The following AGAP1 variants were observed in gnomAD, a reference collection of about 807,000 sequenced individuals.
AGAP1 encodes the protein ArfGAP with GTPase domain, ankyrin repeat and PH domain 1, also known as arf-GAP with GTPase, ANK repeat and PH domain-containing protein 1.
In AGAP1, 29 loss-of-function variants were observed where a neutral mutation model predicts 105.3. That is an observed-to-expected ratio of 0.28 (90% confidence interval 0.21 to 0.38). The LOEUF is 0.38. Among genes scored for constraint, AGAP1 ranks in the 10% least tolerant of loss-of-function variants. AGAP1 has a pLI of 1.00. For missense variants in AGAP1, 998 were observed against 1,165.1 expected (o/e 0.86, Z 2.09); for synonymous variants, 509 against 485.9 (o/e 1.05, Z -0.63).
intron 6 of AGAP1, among the ~76,000 whole-genome samples, chr2:235,794,687 G>T (rs1957161159): frequency 6.6e-6 from 1 of 152,216 alleles, no homozygotes; most frequent in South Asian, 2.1e-4. Context: ...GGCCAGGCTG[G>T]ACTCGAACTC....
At position 236,014,993 on chromosome 2, in the gene AGAP1, G is replaced by T. The variant is rs1262116677; in HGVS notation, c.1646-21568G>T. On this transcript the variant is annotated intron_variant, in intron 13 of 17. Coordinates refer to ENST00000304032, the MANE Select transcript of AGAP1 (RefSeq NM_001037131.3). This position sits in a 1 kb window ranked among gnomAD's most constrained non-coding sequence, Gnocchi z 6.3. ...ATGGAAATGCAATTTGCCCAAAGCC[G>T]CATGCTCCCTTATTGTGTTTGCAGA... is the stretch of plus-strand genomic sequence containing the variant. 2.0e-5 allele frequency: 6 copies of T among 302,030 alleles called. No homozygotes were observed. The highest frequency in any genetic ancestry group is 4.1e-5 in the Non-Finnish European group (6 of 145,936). The allele number at this position is 302,030 out of a possible 1,614,324, so 18.7% of individuals were successfully genotyped here.
chr2:235,508,526 G>A (rs1002111890), intron 1 of AGAP1, among the ~76,000 whole-genome samples: 13 of 152,200 alleles, frequency 8.5e-5, no homozygotes, highest in African/African-American at 1.4e-4. Flanking sequence ...TTATTCCCTC[G>A]CTGAGAGTTG....
Position 235,787,960 on chromosome 2 carries a change from G to A in AGAP1, c.674-9799G>A, listed in dbSNP as rs1052662631. On this transcript the variant is annotated intron_variant, in intron 6 of 17. Coordinates refer to ENST00000304032, the MANE Select transcript of AGAP1 (RefSeq NM_001037131.3). The surrounding 1 kb of genome is among the most constrained non-coding windows in gnomAD (Gnocchi z 4.4). ...GCAAGCAAGGCCAAGAGCATTGTAA[G>A]ACCAAGAGCATGACCATGAACATTC... Among the ~76,000 whole-genome samples, 3 of 152,158 alleles carry A rather than the reference G, an allele frequency of 2.0e-5. No individual in the cohort carries two copies. The highest frequency in any genetic ancestry group is 7.2e-5 in the African/African-American group (3 of 41,432).
chr2:235,710,521 G>C (rs1388790504), intron 2 of AGAP1, among the ~76,000 whole-genome samples: 1 of 152,156 alleles, frequency 6.6e-6, no homozygotes, highest in African/African-American at 2.4e-5. Flanking sequence ...CCTCCCTGAA[G>C]GTCTCTGGGC....
At chr2:235,703,878 C>A (rs1430573707) in intron 1 of AGAP1, among the ~76,000 whole-genome samples, 1 of 152,132 alleles carries the variant, frequency 6.6e-6, no homozygotes, top group African/African-American at 2.4e-5. Flanking sequence ...CTCAGGTGAT[C>A]TGCCTGCAGG....
chr2:236,059,046 G>T (rs1393839818), intron 16 of AGAP1, among the ~76,000 whole-genome samples: 1 of 151,926 alleles, frequency 6.6e-6, no homozygotes, highest in Non-Finnish European at 1.5e-5. Flanking sequence ...AATCAAAAAG[G>T]CCAGGTGCAG....
chr2:235,645,588 G>T (rs1270927753), intron 1 of AGAP1, among the ~76,000 whole-genome samples: 1 of 152,084 alleles, frequency 6.6e-6, no homozygotes, highest in Non-Finnish European at 1.5e-5. Context: ...TCAGAGAATG[G>T]GTCATTGCAG....
At chr2:235,828,484 A>T (rs1172299168) in intron 9 of AGAP1, among the ~76,000 whole-genome samples, 1 of 152,120 alleles carries the variant, frequency 6.6e-6, no homozygotes. Context: ...GTAAACTAAC[A>T]CTTATGCATT....
intron 16 of AGAP1, among the ~76,000 whole-genome samples, chr2:236,064,781 C>A (rs1014250026): frequency 3.3e-5 from 5 of 152,130 alleles, no homozygotes; most frequent in African/African-American, 2.4e-5. Flanking sequence ...TCGGAGAATT[C>A]TTTGGGGGTG....
Position 236,095,082 on chromosome 2 carries a change from G to A in AGAP1, c.2115-25110G>A, listed in dbSNP as rs1193045357. Among the ~76,000 whole-genome samples, 1 of 151,868 alleles carries A rather than the reference G, an allele frequency of 6.6e-6. No homozygotes were observed. Among genetic ancestry groups the A allele is most frequent in the Non-Finnish European group, 1.5e-5 (1 of 67,976 alleles). On this transcript the variant is annotated intron_variant, in intron 16 of 17. Coordinates refer to ENST00000304032, the MANE Select transcript of AGAP1 (RefSeq NM_001037131.3). The surrounding 1 kb of genome is among the most constrained non-coding windows in gnomAD (Gnocchi z 4.1). The stretch of plus-strand genomic sequence containing the variant: ...CCATTGTACTTTAGCCTTGGTGAGA[G>A]TGAGACACTGTCTCAAAAAAGTTGT...
chr2:236,106,119 C>T (rs894918146), intron 16 of AGAP1, among the ~76,000 whole-genome samples: 2 of 152,234 alleles, frequency 1.3e-5, no homozygotes, highest in African/African-American at 4.8e-5. Context: ...CCTTGGCTGG[C>T]TGGCTGGCAG....
rs2125576002 is a variant in AGAP1, at chr2:236,014,718, T to TG, written c.1646-21843_1646-21842insG. The TG allele has an allele frequency of 3.8e-6, 1 of 266,036 alleles. No homozygotes were observed. The highest frequency in any genetic ancestry group is 8.5e-5 in the African/African-American group (1 of 11,824). The allele number at this position is 266,036 out of a possible 1,614,324, so 16.5% of individuals were successfully genotyped here. A position where few individuals can be genotyped will look rare whatever the true frequency, so the allele number is the denominator to read the frequency against. ...GGCAACGTCACGTGCTACTTTGACC[T>TG]TTTTTTTTCTCCCCTTTTCATTTGT... On this transcript the variant is annotated intron_variant, in intron 13 of 17. Transcript: ENST00000304032. This position sits in a 1 kb window ranked among gnomAD's most constrained non-coding sequence, Gnocchi z 6.3.
At chr2:235,629,880 A>G (rs866608709) in intron 1 of AGAP1, among the ~76,000 whole-genome samples, 26 of 151,060 alleles carry the variant, frequency 1.7e-4, no homozygotes, top group Non-Finnish European at 2.7e-4. Context: ...AAAAAAAAAA[A>G]AAAGAAAGAA....
At chr2:235,627,888 C>G (rs529651090) in intron 1 of AGAP1, among the ~76,000 whole-genome samples, 76 of 152,222 alleles carry the variant, frequency 5.0e-4, no homozygotes, top group African/African-American at 1.7e-3. Context: ...AAAATATGTC[C>G]TATAATCTTC....
rs747835368 is a variant in AGAP1, at chr2:235,734,395, G to C, written c.311-6568G>C. 6.6e-6 allele frequency among the ~76,000 whole-genome samples: 1 copy of C among 152,062 alleles called. No individual in the cohort carries two copies. On this transcript the variant is annotated intron_variant, in intron 3 of 17. Coordinates refer to ENST00000304032, the MANE Select transcript of AGAP1 (RefSeq NM_001037131.3). The surrounding 1 kb of genome is among the most constrained non-coding windows in gnomAD (Gnocchi z 5.3). The stretch of plus-strand genomic sequence containing the variant: ...CCAGCTTGCATCTGCTGAAAGAACC[G>C]GGGTGGCCCCACTGCATCTTGATCA...
At position 235,971,482 on chromosome 2, in the gene AGAP1, C is replaced by T. The variant is rs1172954953; in HGVS notation, c.1645+2859C>T. On this transcript the variant is annotated intron_variant, in intron 13 of 17. Coordinates refer to ENST00000304032, the MANE Select transcript of AGAP1 (RefSeq NM_001037131.3). This position sits in a 1 kb window ranked among gnomAD's most constrained non-coding sequence, Gnocchi z 4.8. ...TTGGGAGGCTGAGGCGGGCGGATCA[C>T]GAGGTCAGGAGATCGAGACCATCCT... is the stretch of plus-strand genomic sequence containing the variant. Among the ~76,000 whole-genome samples, 2 of 152,108 alleles carry T rather than the reference C, an allele frequency of 1.3e-5. No individual in the cohort carries two copies. Among genetic ancestry groups the T allele is most frequent in the African/African-American group, 2.4e-5 (1 of 41,448 alleles).
chr2:235,798,881 A>T lies in AGAP1; in HGVS notation c.802-486A>T, dbSNP rs1957364303. ...GTGAGACCCTGTCTCAAAAAAAAAA[A>T]AAAAAAAAAAAAAGAATGTCTTCAC... On this transcript the variant is annotated intron_variant, in intron 7 of 17. Transcript: ENST00000304032. Among the ~76,000 whole-genome samples, 2 of 151,548 alleles carry T rather than the reference A, an allele frequency of 1.3e-5. 1 individual carries two copies. The highest frequency in any genetic ancestry group is 4.2e-4 in the South Asian group (2 of 4,804).
chr2:235,668,193 A>G (rs1013244339), intron 1 of AGAP1, among the ~76,000 whole-genome samples: 3 of 152,122 alleles, frequency 2.0e-5, no homozygotes, highest in Non-Finnish European at 4.4e-5. Context: ...TTTCAAGATA[A>G]ATAAAGTGAA....
At position 235,930,645 on chromosome 2, in the gene AGAP1, G is replaced by C. The variant is rs766024201; in HGVS notation, c.1325-120G>C. 2.9e-6 allele frequency: 3 copies of C among 1,018,164 alleles called. No homozygotes were observed. Among genetic ancestry groups the C allele is most frequent in the Non-Finnish European group, 4.2e-6 (3 of 705,990 alleles). The allele number at this position is 1,018,164 out of a possible 1,614,324, so 63.1% of individuals were successfully genotyped here. A position where few individuals can be genotyped will look rare whatever the true frequency, so the allele number is the denominator to read the frequency against. ...TTCCGTTTGCCATGCAGGCAGGACA[G>C]GGGCTGCTCTCGGTGGTAAGGTGCA... is the stretch of plus-strand genomic sequence containing the variant. On this transcript the variant is annotated intron_variant, in intron 11 of 17. Transcript: ENST00000304032. This position sits in a 1 kb window ranked among gnomAD's most constrained non-coding sequence, Gnocchi z 7.9.
Sources: allele counts gnomAD v4.1 joint callset (sites outside exome capture counted in the v4.1 genomes callset), GRCh38; gene constraint gnomAD v4.1.1; non-coding constraint Gnocchi (gnomAD v3.1); transcripts MANE v1.5; gene names NCBI Gene and HGNC (gene_info 2026-07-23, HGNC 2026-07-21).